Variants in CDH2 observed in about 807,000 individuals in gnomAD.
CDH2 encodes the protein cadherin 2.
In CDH2, 17 loss-of-function variants were observed where a neutral mutation model predicts 92.0. That is an observed-to-expected ratio of 0.18 (90% CI 0.13 to 0.28). The LOEUF is 0.28. CDH2 is among the 10% of genes least tolerant of loss of function. The pLI, the probability that CDH2 is intolerant of heterozygous loss-of-function variation, is 1.00. For missense variants in CDH2, 862 were observed against 1,133.1 expected (o/e 0.76, Z 3.44); for synonymous variants, 419 against 415.9 (o/e 1.01, Z -0.09).
At chr18:28,157,796 A>T (rs1456004832) in intron 1 of CDH2, among the ~76,000 whole-genome samples, 1 of 152,224 alleles carries the variant, frequency 6.6e-6, no homozygotes, top group African/African-American at 2.4e-5. Flanking sequence ...ATTAGGAAAA[A>T]AAAAGACTTC....
chr18:28,027,918 T>TGAA (rs906637281), intron 2 of CDH2, among the ~76,000 whole-genome samples: 1 of 152,000 alleles, frequency 6.6e-6, no homozygotes, highest in Non-Finnish European at 1.5e-5. Context: ...TAAATTAGTC[T>TGAA]TTCAGAGTAC....
At chr18:28,015,580 T>G (rs1319033864) in intron 2 of CDH2, among the ~76,000 whole-genome samples, 1 of 152,334 alleles carries the variant, frequency 6.6e-6, no homozygotes, top group East Asian at 1.9e-4. Flanking sequence ...TATTTTTGTA[T>G]AAAAAGTACT....
intron 2 of CDH2, among the ~76,000 whole-genome samples, chr18:28,103,320 T>C (rs926264348): frequency 7.2e-6 from 1 of 139,790 alleles, no homozygotes; most frequent in Non-Finnish European, 1.6e-5. Context: ...ATAAAGTATA[T>C]ATATAAAAAC....
At chr18:28,071,115 G>T (rs1280646242) in intron 2 of CDH2, among the ~76,000 whole-genome samples, 2 of 151,736 alleles carry the variant, frequency 1.3e-5, no homozygotes, top group Non-Finnish European at 2.9e-5. Context: ...TCTTTGTTGG[G>T]GCAGGGTCTT....
intron 2 of CDH2, among the ~76,000 whole-genome samples, chr18:28,141,753 C>G (rs925663758): frequency 6.6e-6 from 1 of 151,954 alleles, no homozygotes; most frequent in African/African-American, 2.4e-5. Context: ...AGATCATTAG[C>G]TCCTCATAGT....
intron 3 of CDH2, 28 bp downstream of exon 3, chr18:28,013,655 G>C: frequency 6.6e-7 from 1 of 1,524,834 alleles, no homozygotes; most frequent in Non-Finnish European, 9.1e-7. Flanking sequence ...TTTTTAACCA[G>C]CCCTAAAGCC....
intron 1 of CDH2, among the ~76,000 whole-genome samples, chr18:28,156,664 AATGTCACCTTCCCAGGTACAGC>A (rs2016222429): frequency 8.3e-5 from 1 of 12,096 alleles, no homozygotes; most frequent in Non-Finnish European, 1.7e-4. Flanking sequence ...CCAGGTGCAG[AATGTCACCTTCCCAGGTACAGC>A]ATGTCACCTT....
chr18:28,097,376 A>ATT (rs2015154136), intron 2 of CDH2: 1 of 72,096 alleles, frequency 1.4e-5, no homozygotes, highest in South Asian at 3.7e-4. Flanking sequence ...CTTTTTTTAA[A>ATT]AAAAAAAAAA....
chr18:28,087,033 T>A (rs1335513823), intron 2 of CDH2, among the ~76,000 whole-genome samples: 1 of 152,176 alleles, frequency 6.6e-6, no homozygotes, highest in African/African-American at 2.4e-5. Flanking sequence ...AGTGACTGAA[T>A]GGCAGGCAGG....
intron 1 of CDH2, among the ~76,000 whole-genome samples, chr18:28,156,983 T>C (rs1002538914): frequency 6.6e-6 from 1 of 152,216 alleles, no homozygotes; most frequent in Non-Finnish European, 1.5e-5. Context: ...CCAGGCTTCC[T>C]TGAGTAGAGT....
Position 27,993,592 on chromosome 18 carries a change from C to T in CDH2, c.1066G>A (p.Gly356Ser). Residue 356 changes from glycine (G) to serine (S), a missense_variant, in exon 8 of 16, where the codon GGC (glycine) becomes AGC (serine). By Grantham distance (56) the Gly-to-Ser change is moderately conservative. This residue lies in a region of CDH2 where 564 missense variants were observed against 722.2 expected (regional missense o/e 0.78). Transcript: ENST00000269141. ...TTTGAAAGGCCATATGTGGGATTGC[C>T]TTCCATGTCTGTAGCTTGAATTATT... The part of the protein sequence containing the change: ...TLIIQATDME[G>S]NPTYGLSNTA... The T allele has an allele frequency of 6.2e-7, 1 of 1,613,736 alleles. No individual in the cohort carries two copies. Among genetic ancestry groups the T allele is most frequent in the Non-Finnish European group, 8.5e-7 (1 of 1,179,608 alleles).
At chr18:28,043,461 AAT>A (rs1158754890) in intron 2 of CDH2, among the ~76,000 whole-genome samples, 10,942 of 71,078 alleles carry the variant, frequency 0.15, 766 homozygotes, top group Non-Finnish European at 0.19. Context: ...GATATAAATA[AAT>A]ATATATATAT....
intron 2 of CDH2, among the ~76,000 whole-genome samples, chr18:28,117,810 A>G (rs1198671115): frequency 6.6e-6 from 1 of 152,100 alleles, no homozygotes; most frequent in African/African-American, 2.4e-5. Context: ...CACACCAGGT[A>G]AGTTTATAAT....
At chr18:27,979,762 A>G (rs2011979548) in intron 14 of CDH2, among the ~76,000 whole-genome samples, 2 of 152,150 alleles carry the variant, frequency 1.3e-5, no homozygotes, top group Non-Finnish European at 2.9e-5. Flanking sequence ...GGGGGTGCTA[A>G]TCTATGGTGA....
At chr18:28,142,119 T>C (rs1384344276) in intron 2 of CDH2, among the ~76,000 whole-genome samples, 2 of 152,096 alleles carry the variant, frequency 1.3e-5, no homozygotes, top group Non-Finnish European at 2.9e-5. Context: ...AGACGTTTAC[T>C]AGAGAAAGCC....
chr18:28,064,370 C>T (rs1471045879), intron 2 of CDH2, among the ~76,000 whole-genome samples: 1 of 152,018 alleles, frequency 6.6e-6, no homozygotes, highest in African/African-American at 2.4e-5. Context: ...CTCAAGCAAT[C>T]CCCTCTTGCC....
At chr18:28,014,943 G>C (rs2013201567) in intron 2 of CDH2, among the ~76,000 whole-genome samples, 1 of 151,860 alleles carries the variant, frequency 6.6e-6, no homozygotes, top group South Asian at 2.1e-4. Context: ...GCAAGTAAAG[G>C]GATCAAATAA....
rs1445640526 is a variant in CDH2, at chr18:28,177,081, C to CGGCGAA, written c.-60_-59insTTCGCC. 9.6e-7 allele frequency: 1 copy of CGGCGAA among 1,036,638 alleles called. No homozygotes were observed. Among genetic ancestry groups the CGGCGAA allele is most frequent in the African/African-American group, 1.8e-5 (1 of 57,078 alleles). The allele number at this position is 1,036,638 out of a possible 1,614,324, so 64.2% of individuals were successfully genotyped here. A position where few individuals can be genotyped will look rare whatever the true frequency, so the allele number is the denominator to read the frequency against. On this transcript the variant is annotated 5_prime_UTR_variant, in exon 1 of 16. Transcript: ENST00000269141. ...GAGGCGGCGGCGGCGGCGGCGGCGG[C>CGGCGAA]GGAGGAGGAGGAGGCAGCGGCAGCA...
At chr18:28,146,333 A>C (rs2016034574) in intron 2 of CDH2, 1 of 152,078 alleles carries the variant, frequency 6.6e-6, no homozygotes. Flanking sequence ...CTAGGGTGCC[A>C]AGTAATAATT....
Sources: allele counts gnomAD v4.1 joint callset (sites outside exome capture counted in the v4.1 genomes callset), GRCh38; gene constraint gnomAD v4.1.1; regional missense constraint gnomAD v4.1.1; transcripts MANE v1.5; gene names NCBI Gene and HGNC (gene_info 2026-07-23, HGNC 2026-07-21).